BRD7: variants seen among roughly 807,000 people sequenced by gnomAD.
The protein encoded by BRD7 is bromodomain containing 7, also known as bromodomain-containing protein 7.
Under a neutral mutation model 82.1 loss-of-function variants are expected in BRD7, and 15 were observed. That is an observed-to-expected ratio of 0.18 (90% CI 0.12 to 0.28). The LOEUF is 0.28. Among genes scored for constraint, BRD7 ranks in the 10% least tolerant of loss-of-function variants. The pLI is 1.00. For synonymous variants in BRD7, 232 were observed against 266.9 expected, an observed-to-expected ratio of 0.87 and a Z score of 1.27; for missense variants, 638 against 779.9, an observed-to-expected ratio of 0.82 and a Z score of 2.17.
At chr16:50,359,145 T>C (rs1256878275) in intron 2 of BRD7, among the ~76,000 whole-genome samples, 1 of 152,240 alleles carries the variant, frequency 6.6e-6, no homozygotes, top group Non-Finnish European at 1.5e-5. Flanking sequence ...TTCTGTTAAT[T>C]ACACAGAAAA....
intron 10 of BRD7, 50 bp from the exon 11 acceptor site, chr16:50,325,933 A>G (rs1303525675): frequency 1.8e-5 from 27 of 1,515,254 alleles, no homozygotes; most frequent in Non-Finnish European, 2.4e-5. Flanking sequence ...TTGCATGTCA[A>G]TCTATTTTGT....
chr16:50,342,333 C>A (rs990586503), intron 5 of BRD7, among the ~76,000 whole-genome samples: 2 of 151,740 alleles, frequency 1.3e-5, no homozygotes, highest in Non-Finnish European at 2.9e-5. Flanking sequence ...AATTCAGATT[C>A]TTTGGAGAAA....
intron 7 of BRD7, 81 bp downstream of exon 7, chr16:50,334,630 A>T: frequency 6.6e-7 from 1 of 1,520,756 alleles, no homozygotes; most frequent in South Asian, 1.3e-5. Flanking sequence ...GGTCTTCCCA[A>T]GTCAGGCCCC....
At chr16:50,323,785 C>A in intron 11 of BRD7, 87 bp from the exon 12 acceptor site, 1 of 911,336 alleles carries the variant, frequency 1.1e-6, no homozygotes, top group South Asian at 1.4e-5. Flanking sequence ...CACTAGATGT[C>A]CTCGGTTATA....
chr16:50,353,833 C>T (rs1189069053), intron 4 of BRD7, among the ~76,000 whole-genome samples: 4 of 151,122 alleles, frequency 2.6e-5, no homozygotes, highest in East Asian at 2.0e-4. Flanking sequence ...CTCCTGACCT[C>T]GTGATCTGCC....
intron 9 of BRD7, among the ~76,000 whole-genome samples, chr16:50,328,174 T>C (rs1056175395): frequency 6.6e-6 from 1 of 152,162 alleles, no homozygotes; most frequent in Admixed American, 6.5e-5. Context: ...ATGACTGAGG[T>C]TCTAAAGATT....
chr16:50,363,537 G>A (rs940191857), intron 2 of BRD7, among the ~76,000 whole-genome samples: 7 of 152,146 alleles, frequency 4.6e-5, no homozygotes, highest in Admixed American at 1.3e-4. Flanking sequence ...GATCCTACCC[G>A]TTGGGGCATT....
At chr16:50,328,771 G>A in intron 8 of BRD7, 27 bp from the exon 9 acceptor site, 1 of 1,604,868 alleles carries the variant, frequency 6.2e-7, no homozygotes, top group Non-Finnish European at 8.5e-7. Flanking sequence ...TATTCAGATG[G>A]AATGAAGTGT....
At chr16:50,350,753 A>G (rs997718619) in intron 4 of BRD7, among the ~76,000 whole-genome samples, 1 of 152,124 alleles carries the variant, frequency 6.6e-6, no homozygotes, top group Non-Finnish European at 1.5e-5. Flanking sequence ...AAAATCAGAA[A>G]CTCAAATTTG....
chr16:50,332,299 A>T (rs760927137), intron 8 of BRD7, among the ~76,000 whole-genome samples: 3 of 152,230 alleles, frequency 2.0e-5, no homozygotes, highest in Non-Finnish European at 4.4e-5. Flanking sequence ...TAAGGAACTT[A>T]AATCAACAAG....
intron 6 of BRD7, among the ~76,000 whole-genome samples, chr16:50,336,071 A>C (rs144667149): frequency 6.6e-6 from 1 of 152,338 alleles, no homozygotes; most frequent in East Asian, 1.9e-4. Flanking sequence ...AATTATACTG[A>C]ATATTTAGTA....
intron 13 of BRD7, 60 bp downstream of exon 13, chr16:50,321,922 T>C (rs2037134856): frequency 4.7e-6 from 7 of 1,499,520 alleles, no homozygotes; most frequent in Non-Finnish European, 6.4e-6. Flanking sequence ...TTCTCAAGAC[T>C]TCTCTTACTC....
chr16:50,344,047 G>A (rs1356203619), intron 5 of BRD7, among the ~76,000 whole-genome samples: 1 of 152,128 alleles, frequency 6.6e-6, no homozygotes, highest in Non-Finnish European at 1.5e-5. Flanking sequence ...ACAGCTGGGT[G>A]CCCCTCTGAG....
At chr16:50,368,374 G>T in intron 1 of BRD7, 76 bp from the exon 2 acceptor site, 2 of 1,468,686 alleles carry the variant, frequency 1.4e-6, no homozygotes, top group Non-Finnish European at 1.8e-6. Flanking sequence ...TAAGGATGCA[G>T]AGCGCCAAGG....
In BRD7 at chr16:50,330,980, G is replaced by C. The variant is rs549829070; in HGVS notation, c.1012-2236C>G. On this transcript the variant is annotated intron_variant, in intron 8 of 16. Transcript: ENST00000394688. ...AGTATATAAAGAAAAATGTATTTTT[G>C]GTAAAGATACAATATCAATTTACAA... Among the ~76,000 whole-genome samples the C allele has an allele frequency of 2.0e-5, 3 of 151,710 alleles. No homozygotes were observed. In the South Asian group the frequency reaches 6.3e-4, roughly 32 times the overall value.
intron 1 of BRD7, 164 bp from the exon 2 acceptor site, chr16:50,368,462 G>C: frequency 2.4e-6 from 2 of 849,268 alleles, no homozygotes; most frequent in Non-Finnish European, 3.5e-6. Flanking sequence ...GGGTGCGGCG[G>C]CGCCGCCCGC....
intron 14 of BRD7, 40 bp from the exon 15 acceptor site, chr16:50,320,431 G>T (rs1317402434): frequency 1.2e-6 from 2 of 1,600,462 alleles, no homozygotes; most frequent in African/African-American, 2.7e-5. Flanking sequence ...GTTTGATCTT[G>T]TGCAGTAAAC....
chr16:50,324,956 AAAC>A (rs1466579100), intron 11 of BRD7, among the ~76,000 whole-genome samples: 4 of 152,258 alleles, frequency 2.6e-5, no homozygotes, highest in East Asian at 1.9e-4. Flanking sequence ...TACCTTGTAA[AAAC>A]AACAACAACC....
chr16:50,329,753 T>C (rs146917768), intron 8 of BRD7, among the ~76,000 whole-genome samples: 4,389 of 152,254 alleles, frequency 0.029, 96 homozygotes, highest in Middle Eastern at 0.054. Flanking sequence ...GGAGCCCAGC[T>C]AGCAGCAGAA....
Sources: gnomAD v4.1 joint callset for allele counts (sites outside exome capture counted in the v4.1 genomes callset) on GRCh38, gnomAD v4.1.1 for gene constraint, MANE v1.5 for transcripts, NCBI Gene and HGNC (gene_info 2026-07-23, HGNC 2026-07-21) for gene names.